Variants in MCTP1 observed in about 807,000 individuals in gnomAD.
The protein encoded by MCTP1 is multiple C2 and transmembrane domain containing 1.
Under a neutral mutation model 120.6 loss-of-function variants are expected in MCTP1, and 69 were observed. The observed-to-expected ratio is 0.57, with a 90% CI of 0.47 to 0.70. MCTP1 has a LOEUF of 0.70. Among genes scored for constraint, MCTP1 ranks in the 30% least tolerant of loss-of-function variants. The pLI, the probability that MCTP1 is intolerant of heterozygous loss-of-function variation, is 0.00. For synonymous variants in MCTP1, 529 were observed against 493.1 expected (o/e 1.07, Z -0.96); for missense variants, 1,203 against 1,248.8 (o/e 0.96, Z 0.55).
rs111918739 is a variant in MCTP1, at chr5:95,273,497, C to T, written c.720+10359G>A. Reference sequence around the variant, plus strand: ...TCCAAATATGTAGCCACCCTGGCATCAAGCACCATAAAGATTCAGCTAACA... The same window carrying T: ...TCCAAATATGTAGCCACCCTGGCATTAAGCACCATAAAGATTCAGCTAACA... On this transcript the variant is annotated intron_variant, in intron 1 of 22. Coordinates refer to ENST00000515393, the MANE Select transcript of MCTP1 (RefSeq NM_024717.7). 5.6e-3 allele frequency among the ~76,000 whole-genome samples: 854 copies of T among 152,326 alleles called. 5 individuals carry two copies. Among genetic ancestry groups the T allele is most frequent in the African/African-American group, 0.02 (831 of 41,566 alleles).
intron 1 of MCTP1, among the ~76,000 whole-genome samples, chr5:95,196,255 G>A (rs1750384520): frequency 6.6e-6 from 1 of 152,106 alleles, no homozygotes; most frequent in African/African-American, 2.4e-5. Context: ...CCTTATGTTG[G>A]TAACATTAAC....
At chr5:94,995,125 T>C (rs915139765) in intron 2 of MCTP1, among the ~76,000 whole-genome samples, 4 of 152,194 alleles carry the variant, frequency 2.6e-5, no homozygotes, top group Non-Finnish European at 1.5e-5. Context: ...CATATATACA[T>C]CTATCCTATT....
intron 1 of MCTP1, among the ~76,000 whole-genome samples, chr5:95,215,588 C>T (rs1752950688): frequency 6.6e-6 from 1 of 152,046 alleles, no homozygotes; most frequent in African/African-American, 2.4e-5. Context: ...CTTTGTTAGC[C>T]TTGTTGCTAT....
chr5:94,988,595 G>GTTTTTTTTTTTTTTTTTTTTTTTTTTTTT (rs1223531017), intron 2 of MCTP1, among the ~76,000 whole-genome samples: 1 of 124,312 alleles, frequency 8.0e-6, no homozygotes, highest in African/African-American at 3.2e-5. Context: ...TTCCCTGTGT[G>GTTTTTTTTTTTTTTTTTTTTTTTTTTTTT]TGTTTTTTTT....
Position 94,953,294 on chromosome 5 carries a change from G to T in MCTP1, c.906C>A (p.His302Gln). 1 of 1,612,104 alleles carries T rather than the reference G, an allele frequency of 6.2e-7. No individual in the cohort carries two copies. The highest frequency in any genetic ancestry group is 1.3e-5 in the African/African-American group (1 of 74,944). Residue 302 changes from histidine (H) to glutamine (Q), a missense_variant, in exon 3 of 23, where the codon CAC becomes CAA. Physicochemically the swap from His to Gln is conservative, Grantham distance 24. This residue lies in a region of MCTP1 where 740 missense variants were observed against 871.1 expected (regional missense o/e 0.85). Transcript: ENST00000515393. The part of the protein sequence containing the change: ...GKEVFRSKII[H>Q]KNLNPVWEEK... Reference sequence around the variant, plus strand: ...CTTCCCACACAGGGTTGAGGTTCTTGTGTATTATCTTACTTCTAAAAACTT... The same window carrying T: ...CTTCCCACACAGGGTTGAGGTTCTTTTGTATTATCTTACTTCTAAAAACTT...
At chr5:95,172,193 G>A (rs4380693) in intron 1 of MCTP1, among the ~76,000 whole-genome samples, 1,815 of 152,264 alleles carry the variant, frequency 0.012, 29 homozygotes, top group African/African-American at 0.04. Flanking sequence ...GTTTGCCTAC[G>A]TATCAGCAGT....
intron 10 of MCTP1, among the ~76,000 whole-genome samples, chr5:94,905,014 G>A (rs889225927): frequency 6.6e-6 from 1 of 152,216 alleles, no homozygotes; most frequent in Admixed American, 6.5e-5. Flanking sequence ...CAGAATAGAG[G>A]AATGGAATGC....
chr5:94,797,857 A>C (rs967531056), intron 18 of MCTP1, among the ~76,000 whole-genome samples: 1 of 152,060 alleles, frequency 6.6e-6, no homozygotes, highest in Non-Finnish European at 1.5e-5. Context: ...TATTTTGAAG[A>C]ATTTTATATT....
intron 20 of MCTP1, among the ~76,000 whole-genome samples, chr5:94,713,117 T>C (rs1757703051): frequency 6.6e-6 from 1 of 152,158 alleles, no homozygotes; most frequent in Non-Finnish European, 1.5e-5. Context: ...TAACAAGACA[T>C]GGTAAGTATA....
intron 3 of MCTP1, among the ~76,000 whole-genome samples, chr5:94,945,041 A>G (rs1234255274): frequency 5.9e-5 from 9 of 152,120 alleles, no homozygotes; most frequent in Admixed American, 5.9e-4. Flanking sequence ...TTTTCCCCCC[A>G]AATCCTAGGG....
At chr5:94,920,786 T>TA (rs1026299686) in intron 7 of MCTP1, among the ~76,000 whole-genome samples, 3 of 145,338 alleles carry the variant, frequency 2.1e-5, no homozygotes, top group East Asian at 2.0e-4. Flanking sequence ...AATAAATAAA[T>TA]AATAAAAAGT....
At chr5:94,998,284 G>A (rs1229465746) in intron 2 of MCTP1, among the ~76,000 whole-genome samples, 1 of 152,134 alleles carries the variant, frequency 6.6e-6, no homozygotes, top group East Asian at 1.9e-4. Context: ...TGTCAACATT[G>A]TATCCCTGGC....
At chr5:94,972,060 G>A (rs980725725) in intron 2 of MCTP1, among the ~76,000 whole-genome samples, 2 of 152,028 alleles carry the variant, frequency 1.3e-5, no homozygotes, top group Admixed American at 6.6e-5. Flanking sequence ...AGCCTTCTGC[G>A]TGGTCTCTCT....
At chr5:95,175,606 C>A (rs1747875116) in intron 1 of MCTP1, among the ~76,000 whole-genome samples, 1 of 152,200 alleles carries the variant, frequency 6.6e-6, no homozygotes, top group African/African-American at 2.4e-5. Flanking sequence ...ACTTGCAAAT[C>A]AAATTCTAAA....
intron 17 of MCTP1, among the ~76,000 whole-genome samples, chr5:94,856,791 G>A (rs1794792503): frequency 6.6e-6 from 1 of 151,700 alleles, no homozygotes; most frequent in Admixed American, 6.6e-5. Context: ...AAGAAAGTAA[G>A]AGCAAGAGAG....
chr5:95,270,931 C>CTCA (rs1554243524), intron 1 of MCTP1, among the ~76,000 whole-genome samples: 1 of 145,570 alleles, frequency 6.9e-6, no homozygotes, highest in Non-Finnish European at 1.5e-5. Flanking sequence ...CTCTCTCTCT[C>CTCA]AAAAAAAAAA....
chr5:94,953,497 G>T, intron 2 of MCTP1, 136 bp from the exon 3 acceptor site: 1 of 558,340 alleles, frequency 1.8e-6, no homozygotes, highest in Non-Finnish European at 2.8e-6. Flanking sequence ...TAAGAGTTAA[G>T]TGTTTTCTTA....
At chr5:94,720,486 TGATA>T (rs1046324564) in intron 19 of MCTP1, among the ~76,000 whole-genome samples, 4 of 152,140 alleles carry the variant, frequency 2.6e-5, no homozygotes, top group African/African-American at 2.4e-5. Flanking sequence ...TACATACAAT[TGATA>T]GATTATGAAA....
At chr5:95,079,074 T>G (rs1039592127) in intron 1 of MCTP1, among the ~76,000 whole-genome samples, 3 of 152,136 alleles carry the variant, frequency 2.0e-5, no homozygotes, top group African/African-American at 7.2e-5. Context: ...AAAGGGAGAC[T>G]AAATGACTAA....
Sources: allele counts gnomAD v4.1 joint callset (sites outside exome capture counted in the v4.1 genomes callset), GRCh38; gene constraint gnomAD v4.1.1; regional missense constraint gnomAD v4.1.1; transcripts MANE v1.5; gene names NCBI Gene and HGNC (gene_info 2026-07-23, HGNC 2026-07-21).